The following ATP10D variants were observed in gnomAD, a reference collection of about 807,000 sequenced individuals.
ATP10D encodes the protein phospholipid-transporting ATPase VD.
In ATP10D, 89 loss-of-function variants were observed where a neutral mutation model predicts 144.8. The ratio of observed to expected loss-of-function variants is 0.61; its 90% CI spans 0.52 to 0.73. The LOEUF (loss-of-function observed/expected upper bound fraction) is 0.73. ATP10D is among the 30% of genes least tolerant of loss of function. The pLI is 0.00. For synonymous variants in ATP10D, 571 were observed against 615.1 expected (o/e 0.93, Z 1.06); for missense variants, 1,603 against 1,714.8 (o/e 0.93, Z 1.15).
At chr4:47,548,233 CTTAGT>C (rs569715324) in intron 10 of ATP10D, among the ~76,000 whole-genome samples, 118 of 152,262 alleles carry the variant, frequency 7.7e-4, no homozygotes, top group African/African-American at 2.4e-3. Context: ...TTGGTTATTT[CTTAGT>C]TTAAAGTCTT....
chr4:47,562,057 C>T (rs1577686642), intron 14 of ATP10D, among the ~76,000 whole-genome samples: 1 of 152,096 alleles, frequency 6.6e-6, no homozygotes, highest in South Asian at 2.1e-4. Context: ...ATCAAAAATG[C>T]TCCATGGGTT....
chr4:47,538,953 C>G (rs940290899), intron 9 of ATP10D, among the ~76,000 whole-genome samples: 1 of 152,162 alleles, frequency 6.6e-6, no homozygotes, highest in South Asian at 2.1e-4. Flanking sequence ...TCAAATTACT[C>G]GAAGTCAGCT....
At chr4:47,509,010 T>C (rs988743570) in intron 1 of ATP10D, among the ~76,000 whole-genome samples, 3 of 152,206 alleles carry the variant, frequency 2.0e-5, no homozygotes, top group Non-Finnish European at 4.4e-5. Context: ...AATATTTATG[T>C]GGAGCTTTAT....
At chr4:47,502,439 C>G (rs532818999) in intron 1 of ATP10D, among the ~76,000 whole-genome samples, 4 of 151,264 alleles carry the variant, frequency 2.6e-5, no homozygotes, top group African/African-American at 9.7e-5. Flanking sequence ...CACTGCACTC[C>G]AGCCTGGGCG....
At chr4:47,491,266 T>C in intron 1 of ATP10D, 1 of 866,378 alleles carries the variant, frequency 1.2e-6, no homozygotes, top group Non-Finnish European at 1.9e-6. Flanking sequence ...TGGGGAACTT[T>C]GTAGACTCTT....
intron 9 of ATP10D, among the ~76,000 whole-genome samples, chr4:47,543,763 T>A (rs1193601718): frequency 1.3e-5 from 2 of 152,006 alleles, no homozygotes; most frequent in East Asian, 3.9e-4. Flanking sequence ...AGCTGCAGAG[T>A]GGGCAGTGAT....
chr4:47,582,621 C>T (rs2109476228), intron 21 of ATP10D, among the ~76,000 whole-genome samples: 1 of 152,264 alleles, frequency 6.6e-6, no homozygotes, highest in East Asian at 1.9e-4. Context: ...TCAGTTTCTT[C>T]AGTACATTGA....
rs1027434252 is a variant in ATP10D at position 47,593,069 on chromosome 4, C to T, written c.*1688C>T. 11 of 152,152 alleles carry T rather than the reference C, an allele frequency of 7.2e-5. 1 individual carries two copies. Among genetic ancestry groups the T allele is most frequent in the South Asian group, 6.2e-4 (3 of 4,824 alleles). The allele number at this position is 152,152 out of a possible 1,614,324, so 9.4% of individuals were successfully genotyped here. ...GCAGCTGGCATTCATTCCCTGAAAT[C>T]GTCGTCTCCTGATAAACAATAATTT... On this transcript the variant is annotated 3_prime_UTR_variant, in exon 23 of 23. Transcript: ENST00000273859.
intron 3 of ATP10D, among the ~76,000 whole-genome samples, chr4:47,521,160 A>G (rs1364472075): frequency 6.6e-6 from 1 of 152,134 alleles, no homozygotes; most frequent in African/African-American, 2.4e-5. Flanking sequence ...CCTGGAATCA[A>G]CTGCCATCTA....
chr4:47,572,993 A>G lies in ATP10D; in HGVS notation c.3362A>G (p.Asn1121Ser). The G allele has an allele frequency of 6.2e-7, 1 of 1,614,068 alleles. No individual in the cohort carries two copies. Among genetic ancestry groups the G allele is most frequent in the Non-Finnish European group, 8.5e-7 (1 of 1,179,934 alleles). Reference protein sequence around the residue: ...SNMILYFFYKNVAYVNLLFWY... With the variant: ...SNMILYFFYKSVAYVNLLFWY... ...ATGATTCTCTATTTTTTCTATAAGA[A>G]TGTGGTATGTAACCCCAGAGAATTT... Residue 1121 changes from asparagine to serine, a missense_variant, in exon 18 of 23, where the codon AAT becomes AGT. Transcript: ENST00000273859.
chr4:47,531,389 G>C (rs1717561160), intron 5 of ATP10D, among the ~76,000 whole-genome samples: 2 of 152,196 alleles, frequency 1.3e-5, no homozygotes, highest in Non-Finnish European at 2.9e-5. Context: ...GGCATTTCAG[G>C]CTGAGGGAGC....
chr4:47,574,628 T>A (rs569942057), intron 18 of ATP10D, among the ~76,000 whole-genome samples: 1 of 152,186 alleles, frequency 6.6e-6, no homozygotes, highest in Non-Finnish European at 1.5e-5. Flanking sequence ...GGCTCACGCC[T>A]GTAAGCCCAG....
chr4:47,558,758 A>G (rs1207118643), intron 12 of ATP10D, among the ~76,000 whole-genome samples, 165 bp from the exon 13 acceptor site: 3 of 152,364 alleles, frequency 2.0e-5, no homozygotes, highest in East Asian at 3.9e-4. Context: ...AACGAGGGAA[A>G]GATTTATTCT....
chr4:47,494,770 T>G (rs1325926588), intron 1 of ATP10D, among the ~76,000 whole-genome samples: 1 of 152,182 alleles, frequency 6.6e-6, no homozygotes, highest in Non-Finnish European at 1.5e-5. Flanking sequence ...AACTGACTTA[T>G]TTTTGAGATT....
chr4:47,543,835 G>C (rs201394703), intron 9 of ATP10D, among the ~76,000 whole-genome samples: 1 of 79,416 alleles, frequency 1.3e-5, no homozygotes, highest in Non-Finnish European at 2.6e-5. Context: ...TATATATTAT[G>C]TACACACACA....
chr4:47,520,128 T>TCCTAACCCAAATGTCAAAATCTGTC (rs1716870029), intron 3 of ATP10D, among the ~76,000 whole-genome samples: 1 of 152,212 alleles, frequency 6.6e-6, no homozygotes, highest in Non-Finnish European at 1.5e-5. Context: ...AATATGAAAT[T>TCCTAACCCAAATGTCAAAATCTGTC]CCTAACCCAA....
intron 21 of ATP10D, chr4:47,582,878 A>C (rs544454698): frequency 6.6e-5 from 10 of 152,322 alleles, no homozygotes; most frequent in African/African-American, 2.4e-4. Context: ...GACCAGGTGC[A>C]GTGACTCACA....
intron 1 of ATP10D, among the ~76,000 whole-genome samples, chr4:47,511,582 A>G (rs1716331119): frequency 6.6e-6 from 1 of 152,248 alleles, no homozygotes; most frequent in Non-Finnish European, 1.5e-5. Flanking sequence ...TTGGAAAATA[A>G]GGAAACCTTA....
rs372170577 is a variant in ATP10D at position 47,542,757 on chromosome 4, G to C, written c.1397-3867G>C. Among the ~76,000 whole-genome samples the C allele has an allele frequency of 3.2e-4, 49 of 152,314 alleles. 1 individual carries two copies. Among genetic ancestry groups the C allele is most frequent in the Middle Eastern group, 3.4e-3 (1 of 294 alleles). On this transcript the variant is annotated intron_variant, in intron 9 of 22. Transcript: ENST00000273859. ...GCCTCCCAAAGTGCTGGGATTGCAG[G>C]CCTGAGCCACCGGGCCTGGCCTATT...
Sources: gnomAD v4.1 joint callset for allele counts (sites outside exome capture counted in the v4.1 genomes callset) on GRCh38, gnomAD v4.1.1 for gene constraint, MANE v1.5 for transcripts, NCBI Gene and HGNC (gene_info 2026-07-23, HGNC 2026-07-21) for gene names.